GRID2: variants seen among roughly 807,000 people sequenced by gnomAD.
GRID2 encodes glutamate ionotropic receptor delta type subunit 2.
Under a neutral mutation model 114.8 loss-of-function variants are expected in GRID2, and 33 were observed. The observed-to-expected ratio is 0.29, with a 90% confidence interval of 0.22 to 0.38. The LOEUF (loss-of-function observed/expected upper bound fraction) is 0.38. GRID2 is among the 10% of genes least tolerant of loss of function. The pLI, the probability that GRID2 is intolerant of heterozygous loss-of-function variation, is 1.00. For synonymous variants in GRID2, 505 were observed against 449.9 expected (o/e 1.12, Z -1.55); for missense variants, 1,184 against 1,257.7 (o/e 0.94, Z 0.89).
chr4:92,438,644 C>T (rs1172496436), intron 1 of GRID2, among the ~76,000 whole-genome samples: 2 of 151,210 alleles, frequency 1.3e-5, no homozygotes, highest in East Asian at 1.9e-4. Flanking sequence ...GGCACATGTT[C>T]GTGCTGTTTT....
intron 1 of GRID2, among the ~76,000 whole-genome samples, chr4:92,346,391 G>T (rs1727765059): frequency 2.0e-5 from 3 of 152,068 alleles, no homozygotes; most frequent in Admixed American, 2.0e-4. Flanking sequence ...TTGCGACAGG[G>T]TCTTGCTCTG....
chr4:93,671,053 A>T (rs1170426271), intron 14 of GRID2, among the ~76,000 whole-genome samples: 1 of 152,110 alleles, frequency 6.6e-6, no homozygotes, highest in East Asian at 1.9e-4. Context: ...AAACGTGGGG[A>T]GGGGGAATCA....
At chr4:92,725,505 A>G (rs978586666) in intron 2 of GRID2, among the ~76,000 whole-genome samples, 8 of 152,186 alleles carry the variant, frequency 5.3e-5, no homozygotes, top group African/African-American at 1.7e-4. Context: ...AGTTAAAAGC[A>G]GAACATCTGA....
intron 2 of GRID2, among the ~76,000 whole-genome samples, chr4:92,643,964 CATTT>C (rs1464852628): frequency 1.3e-5 from 2 of 151,702 alleles, no homozygotes; most frequent in Non-Finnish European, 2.9e-5. Flanking sequence ...ACTATACACA[CATTT>C]ATTTAACTCA....
chr4:93,687,863 A>G (rs550777302), intron 14 of GRID2, among the ~76,000 whole-genome samples: 4 of 151,990 alleles, frequency 2.6e-5, no homozygotes, highest in Non-Finnish European at 5.9e-5. Flanking sequence ...TTATAAAAGT[A>G]TATTATGTAT....
At chr4:93,764,308 T>C (rs1256265571) in intron 14 of GRID2, among the ~76,000 whole-genome samples, 1 of 152,152 alleles carries the variant, frequency 6.6e-6, no homozygotes, top group Non-Finnish European at 1.5e-5. Flanking sequence ...TTCTAAAATT[T>C]TTCTGTTCAA....
At chr4:92,864,657 C>T (rs968860019) in intron 2 of GRID2, among the ~76,000 whole-genome samples, 2 of 152,156 alleles carry the variant, frequency 1.3e-5, no homozygotes, top group African/African-American at 2.4e-5. Context: ...AAGGGTATAG[C>T]ATCCATTGAT....
intron 1 of GRID2, among the ~76,000 whole-genome samples, chr4:92,448,447 A>G (rs978731570): frequency 3.9e-5 from 6 of 152,112 alleles, no homozygotes; most frequent in African/African-American, 1.4e-4. Context: ...AATTACAGGC[A>G]TGAGCCACCA....
Position 93,459,324 on chromosome 4 carries a change from A to AT in GRID2, c.1858+3358dup, listed in dbSNP as rs57492612. On this transcript the variant is annotated intron_variant, in intron 11 of 15. Coordinates refer to ENST00000282020, the MANE Select transcript of GRID2 (RefSeq NM_001510.4). ...TTATAAAATAGGACATCTAAGCCTA[A>AT]TTTTTTTTGAAATGTAATAGAGGAG... Among the ~76,000 whole-genome samples the AT allele has an allele frequency of 7.5e-3, 1,136 of 151,862 alleles. 16 individuals carry two copies. The highest frequency in any genetic ancestry group is 0.026 in the African/African-American group (1,083 of 41,446).
chr4:93,503,100 TGAGAA>T, intron 12 of GRID2, among the ~76,000 whole-genome samples: 1 of 152,002 alleles, frequency 6.6e-6, no homozygotes, highest in East Asian at 1.9e-4. Context: ...ACCACCTACT[TGAGAA>T]TAGAGGATAA....
intron 1 of GRID2, among the ~76,000 whole-genome samples, chr4:92,515,807 TTTTG>T (rs1171304230): frequency 1.3e-5 from 2 of 151,988 alleles, no homozygotes; most frequent in Non-Finnish European, 2.9e-5. Context: ...AATATTGTTC[TTTTG>T]TTTGTCGATG....
chr4:92,378,830 C>T (rs1295370834), intron 1 of GRID2, among the ~76,000 whole-genome samples: 1 of 151,854 alleles, frequency 6.6e-6, no homozygotes, highest in Non-Finnish European at 1.5e-5. Context: ...TTAATGCTGT[C>T]TTATGATTTT....
intron 1 of GRID2, among the ~76,000 whole-genome samples, chr4:92,549,400 A>G (rs1401521982): frequency 6.6e-6 from 1 of 152,128 alleles, no homozygotes; most frequent in East Asian, 1.9e-4. Context: ...CTCTCTAGGA[A>G]GTGATCTCAT....
chr4:92,439,176 G>C (rs1009065887), intron 1 of GRID2, among the ~76,000 whole-genome samples: 1 of 151,506 alleles, frequency 6.6e-6, no homozygotes, highest in African/African-American at 2.4e-5. Flanking sequence ...CTCAGTGGGG[G>C]TGCTTTTTGA....
At chr4:93,054,057 A>G (rs1211061562) in intron 2 of GRID2, among the ~76,000 whole-genome samples, 1 of 151,976 alleles carries the variant, frequency 6.6e-6, no homozygotes, top group Non-Finnish European at 1.5e-5. Context: ...TTAGCCATAT[A>G]TTAAAAGCAT....
chr4:93,325,882 T>G (rs1757779440), intron 8 of GRID2, among the ~76,000 whole-genome samples: 1 of 152,120 alleles, frequency 6.6e-6, no homozygotes, highest in African/African-American at 2.4e-5. Flanking sequence ...TGTGAGTTAG[T>G]TGAACATTTT....
At chr4:92,942,196 T>G (rs904030775) in intron 2 of GRID2, among the ~76,000 whole-genome samples, 3 of 152,058 alleles carry the variant, frequency 2.0e-5, no homozygotes, top group South Asian at 2.1e-4. Flanking sequence ...ATTATTGTGT[T>G]GGAGTCTAAG....
intron 2 of GRID2, among the ~76,000 whole-genome samples, chr4:92,942,078 A>G (rs1751187763): frequency 2.0e-5 from 3 of 152,168 alleles, no homozygotes; most frequent in Admixed American, 1.3e-4. Flanking sequence ...GTAGATGTAT[A>G]TTAGGTCTAC....
In GRID2 at chr4:92,534,204, T is replaced by G. The variant is rs1022576379; in HGVS notation, c.89-55927T>G. ...CAGCGTTTGATCTAAGGTCATCTTTTGAACTAGAAGTAAAGCTTTTATTTC... is the reference window on the plus strand; with the variant it reads ...CAGCGTTTGATCTAAGGTCATCTTTGGAACTAGAAGTAAAGCTTTTATTTC... On this transcript the variant is annotated intron_variant, in intron 1 of 15. Coordinates refer to ENST00000282020, the MANE Select transcript of GRID2 (RefSeq NM_001510.4). Among the ~76,000 whole-genome samples, 8 of 152,258 alleles carry G rather than the reference T, an allele frequency of 5.3e-5. No homozygotes were observed. In the East Asian group the frequency reaches 1.5e-3, roughly 29 times the overall value.
Sources: gnomAD v4.1 joint callset for allele counts (sites outside exome capture counted in the v4.1 genomes callset) on GRCh38, gnomAD v4.1.1 for gene constraint, MANE v1.5 for transcripts, NCBI Gene and HGNC (gene_info 2026-07-23, HGNC 2026-07-21) for gene names.